NAV3: variants seen among roughly 807,000 people sequenced by gnomAD.
NAV3 encodes pore membrane and/or filament interacting like protein 1.
NAV3 carries 87 observed loss-of-function variants against 244.7 expected under a neutral mutation model. The ratio of observed to expected loss-of-function variants is 0.36; its 90% CI spans 0.30 to 0.42. The LOEUF is 0.42. Ranked by LOEUF, NAV3 falls within the 20% of genes least tolerant of loss-of-function variation. The pLI, the probability that NAV3 is intolerant of heterozygous loss-of-function variation, is 1.00. For missense variants in NAV3, 2,663 were observed against 2,893.3 expected (o/e 0.92, Z 1.83); for synonymous variants, 1,126 against 1,042.2 (o/e 1.08, Z -1.55).
chr12:77,597,746 A>T (rs990556241), intron 2 of NAV3, among the ~76,000 whole-genome samples: 9 of 152,076 alleles, frequency 5.9e-5, no homozygotes, highest in African/African-American at 2.2e-4. Context: ...AAACAGAAGG[A>T]TGTACAAAGT....
At chr12:77,862,893 G>A (rs770163) in intron 1 of NAV3, among the ~76,000 whole-genome samples, 81,355 of 151,068 alleles carry the variant, frequency 0.54, 23,419 homozygotes, top group East Asian at 0.71. Context: ...ATTCAATTTT[G>A]GAAGGTCATG....
chr12:77,617,604 G>A (rs554795679), intron 2 of NAV3, among the ~76,000 whole-genome samples: 32 of 152,290 alleles, frequency 2.1e-4, no homozygotes, highest in South Asian at 1.2e-3. Flanking sequence ...ATTTCAGGGC[G>A]GCCAAGCAAG....
chr12:77,828,568 C>T (rs561071990), upstream of NAV3, among the ~76,000 whole-genome samples: 156 of 152,130 alleles, frequency 1.0e-3, no homozygotes, highest in Non-Finnish European at 1.8e-3. Context: ...TTTACTTTCT[C>T]GGTGCCTTTG....
chr12:77,615,614 C>T (rs1350524681), intron 2 of NAV3, among the ~76,000 whole-genome samples: 2 of 152,140 alleles, frequency 1.3e-5, no homozygotes. Context: ...CTGATAAAGT[C>T]CACCGTTGAT....
intron 2 of NAV3, among the ~76,000 whole-genome samples, chr12:77,802,511 C>A (rs1871761318): frequency 6.6e-6 from 1 of 152,174 alleles, no homozygotes; most frequent in African/African-American, 2.4e-5. Context: ...TTTGCTGTTA[C>A]TCCTAAATAG....
intron 1 of NAV3, among the ~76,000 whole-genome samples, chr12:77,876,488 A>G (rs1201500218): frequency 1.3e-5 from 2 of 152,190 alleles, no homozygotes; most frequent in Non-Finnish European, 1.5e-5. Context: ...ATAGTTTATC[A>G]TGGTAGTCAA....
intron 2 of NAV3, among the ~76,000 whole-genome samples, chr12:77,609,594 C>T (rs750737446): frequency 5.9e-5 from 9 of 152,012 alleles, no homozygotes; most frequent in Non-Finnish European, 1.2e-4. Context: ...CCCTGAGTTG[C>T]TGATTTAATA....
At chr12:77,894,026 T>C (rs1285044678) in intron 1 of NAV3, among the ~76,000 whole-genome samples, 1 of 152,208 alleles carries the variant, frequency 6.6e-6, no homozygotes, top group Non-Finnish European at 1.5e-5. Flanking sequence ...AATTTACTCC[T>C]TGACCCTTAC....
At chr12:77,780,058 T>C (rs1379751047) in intron 2 of NAV3, among the ~76,000 whole-genome samples, 1 of 152,224 alleles carries the variant, frequency 6.6e-6, no homozygotes, top group Non-Finnish European at 1.5e-5. Flanking sequence ...CTTTTTTCTA[T>C]CTTATTTCAG....
chr12:77,611,228 C>T (rs1870899500), intron 2 of NAV3, among the ~76,000 whole-genome samples: 1 of 151,916 alleles, frequency 6.6e-6, no homozygotes, highest in African/African-American at 2.4e-5. Flanking sequence ...TCCATCCTGA[C>T]AAGCAATTTT....
intron 2 of NAV3, among the ~76,000 whole-genome samples, chr12:77,737,047 G>A (rs1182295020): frequency 2.0e-5 from 3 of 151,862 alleles, no homozygotes; most frequent in Non-Finnish European, 2.9e-5. Context: ...AAAGAAATAA[G>A]GATATAGGGG....
At chr12:78,179,892 T>C (rs1286724617) in intron 29 of NAV3, among the ~76,000 whole-genome samples, 1 of 152,120 alleles carries the variant, frequency 6.6e-6, no homozygotes, top group African/African-American at 2.4e-5. Flanking sequence ...ACTGGCAAGT[T>C]GTATTCAAGA....
intron 17 of NAV3, 103 bp downstream of exon 17, chr12:78,127,311 T>C (rs1193645020): frequency 6.9e-6 from 8 of 1,156,476 alleles, no homozygotes; most frequent in East Asian, 2.4e-5. Context: ...GCACATGACA[T>C]TGAGGACGAA....
rs1242871087 is a variant in NAV3, at chr12:77,917,232, C to T, written c.244-23087C>T. On this transcript the variant is annotated intron_variant, in intron 1 of 39. Coordinates refer to ENST00000397909, the MANE Select transcript of NAV3 (RefSeq NM_001024383.2). ...TTTAACCTTCCTTATAACTAAATGGCACATATAGTATTATTATCTGTGACT... is the reference window on the plus strand; with the variant it reads ...TTTAACCTTCCTTATAACTAAATGGTACATATAGTATTATTATCTGTGACT... Among the ~76,000 whole-genome samples the T allele has an allele frequency of 2.6e-5, 4 of 151,902 alleles. No individual in the cohort carries two copies. In the South Asian group the frequency reaches 8.3e-4, roughly 31 times the overall value.
intron 5 of NAV3, among the ~76,000 whole-genome samples, chr12:77,970,483 T>A (rs992003181): frequency 6.6e-6 from 1 of 152,160 alleles, no homozygotes; most frequent in African/African-American, 2.4e-5. Flanking sequence ...TAAATTTGGT[T>A]CCCTTTGGAA....
intron 1 of NAV3, among the ~76,000 whole-genome samples, chr12:77,849,374 G>A (rs940871515): frequency 2.0e-4 from 30 of 152,114 alleles, no homozygotes; most frequent in Non-Finnish European, 3.1e-4. Flanking sequence ...AGAAATGCCA[G>A]CTATGCTATT....
chr12:78,135,982 G>A (rs566075558), intron 18 of NAV3, among the ~76,000 whole-genome samples: 37 of 152,102 alleles, frequency 2.4e-4, no homozygotes, highest in East Asian at 5.8e-4. Context: ...GTTGTTCTGT[G>A]TGTTAATTCG....
intron 3 of NAV3, among the ~76,000 whole-genome samples, chr12:77,965,839 A>G (rs1892464618): frequency 6.6e-6 from 1 of 152,182 alleles, no homozygotes; most frequent in Admixed American, 6.5e-5. Context: ...TACTTGACAA[A>G]CACTGCTGGT....
At chr12:77,678,256 T>A (rs1397009512) in intron 2 of NAV3, among the ~76,000 whole-genome samples, 1 of 152,172 alleles carries the variant, frequency 6.6e-6, no homozygotes, top group Non-Finnish European at 1.5e-5. Flanking sequence ...ACCAATCTTA[T>A]TTGATAAAGG....
Sources: allele counts gnomAD v4.1 joint callset (sites outside exome capture counted in the v4.1 genomes callset), GRCh38; gene constraint gnomAD v4.1.1; transcripts MANE v1.5; gene names NCBI Gene and HGNC (gene_info 2026-07-23, HGNC 2026-07-21).